Variants in SLC24A3 observed in about 807,000 individuals in gnomAD.
SLC24A3 encodes the protein solute carrier family 24 member 3, also known as sodium/potassium/calcium exchanger 3.
A neutral mutation model predicts 75.8 loss-of-function variants in SLC24A3; 28 were observed. That is an observed-to-expected ratio of 0.37 (90% CI 0.27 to 0.51). The LOEUF is 0.51. Ranked by LOEUF, SLC24A3 falls within the 20% of genes least tolerant of loss-of-function variation. The pLI is 0.94. For missense variants in SLC24A3, 663 were observed against 847.8 expected, an observed-to-expected ratio of 0.78 and a Z score of 2.71; for synonymous variants, 372 against 334.1, an observed-to-expected ratio of 1.11 and a Z score of -1.24.
intron 2 of SLC24A3, among the ~76,000 whole-genome samples, chr20:19,432,416 G>A (rs901923180): frequency 5.3e-5 from 8 of 151,942 alleles, no homozygotes; most frequent in Non-Finnish European, 1.2e-4. Context: ...GTATTAGATT[G>A]CTTTTTCTGT....
At chr20:19,291,745 G>T (rs748680999) in intron 2 of SLC24A3, among the ~76,000 whole-genome samples, 2 of 152,204 alleles carry the variant, frequency 1.3e-5, no homozygotes, top group Non-Finnish European at 2.9e-5. Flanking sequence ...GCTCAGCCTG[G>T]CTCCCCAGCC....
At chr20:19,250,828 A>G (rs900869352) in intron 1 of SLC24A3, among the ~76,000 whole-genome samples, 2 of 152,170 alleles carry the variant, frequency 1.3e-5, no homozygotes, top group African/African-American at 4.8e-5. Flanking sequence ...TTCACATATC[A>G]TCATCCACAA....
intron 9 of SLC24A3, among the ~76,000 whole-genome samples, chr20:19,679,039 G>A (rs866617251): frequency 1.3e-5 from 2 of 151,700 alleles, no homozygotes; most frequent in East Asian, 2.0e-4. Context: ...AGGCAGAGGG[G>A]CTCCTCACAT....
At chr20:19,535,586 G>C (rs1019730548) in intron 3 of SLC24A3, among the ~76,000 whole-genome samples, 2 of 152,188 alleles carry the variant, frequency 1.3e-5, no homozygotes, top group African/African-American at 4.8e-5. Flanking sequence ...CAGCTGCTGT[G>C]ATTTTCAAGC....
intron 9 of SLC24A3, among the ~76,000 whole-genome samples, chr20:19,678,142 A>T (rs1400447346): frequency 6.6e-6 from 1 of 150,386 alleles, no homozygotes; most frequent in African/African-American, 2.5e-5. Context: ...TCGATTTCTC[A>T]ATCTTTTCCC....
At chr20:19,570,688 G>T (rs2031038976) in intron 3 of SLC24A3, among the ~76,000 whole-genome samples, 1 of 152,168 alleles carries the variant, frequency 6.6e-6, no homozygotes, top group African/African-American at 2.4e-5. Flanking sequence ...ACAAATGATA[G>T]TTTGAGGTCT....
chr20:19,353,979 A>G (rs1393847222), intron 2 of SLC24A3, among the ~76,000 whole-genome samples: 2 of 152,216 alleles, frequency 1.3e-5, no homozygotes, highest in Non-Finnish European at 1.5e-5. Flanking sequence ...ATGAAAATAT[A>G]TGGTTACCAA....
chr20:19,269,825 TATA>T (rs1983272159), intron 1 of SLC24A3, among the ~76,000 whole-genome samples: 1 of 152,188 alleles, frequency 6.6e-6, no homozygotes, highest in African/African-American at 2.4e-5. Context: ...CTGAGGCCCG[TATA>T]ATAATAGTTG....
intron 2 of SLC24A3, among the ~76,000 whole-genome samples, chr20:19,429,237 T>C (rs569430633): frequency 2.0e-5 from 3 of 152,362 alleles, no homozygotes; most frequent in Admixed American, 6.5e-5. Context: ...ACCTCTGTTA[T>C]CATTGAGAAA....
chr20:19,248,730 A>G (rs1982565767), intron 1 of SLC24A3, among the ~76,000 whole-genome samples: 1 of 152,112 alleles, frequency 6.6e-6, no homozygotes, highest in Non-Finnish European at 1.5e-5. Context: ...CATGATAGCC[A>G]AGATACGGCA....
At chr20:19,595,836 C>T (rs761740788) in intron 6 of SLC24A3, among the ~76,000 whole-genome samples, 6 of 152,034 alleles carry the variant, frequency 3.9e-5, no homozygotes, top group Non-Finnish European at 5.9e-5. Context: ...ACAGCTTTAG[C>T]GAGGGTGATC....
At chr20:19,369,950 G>C (rs946044053) in intron 2 of SLC24A3, among the ~76,000 whole-genome samples, 4 of 152,142 alleles carry the variant, frequency 2.6e-5, no homozygotes, top group African/African-American at 9.7e-5. Context: ...TTACAAGCGT[G>C]AGCCACTGCA....
chr20:19,370,151 C>T (rs1985967340), intron 2 of SLC24A3, among the ~76,000 whole-genome samples: 1 of 152,100 alleles, frequency 6.6e-6, no homozygotes, highest in African/African-American at 2.4e-5. Flanking sequence ...GGGTGCAAAG[C>T]CATGGAAGTG....
At chr20:19,660,421 G>C (rs1179199302) in intron 7 of SLC24A3, among the ~76,000 whole-genome samples, 2 of 152,008 alleles carry the variant, frequency 1.3e-5, no homozygotes, top group Non-Finnish European at 2.9e-5. Flanking sequence ...ACTTCACTTA[G>C]AATAATGGCC....
chr20:19,460,868 C>G (rs1473273069), intron 2 of SLC24A3, among the ~76,000 whole-genome samples: 1 of 152,166 alleles, frequency 6.6e-6, no homozygotes, highest in Non-Finnish European at 1.5e-5. Context: ...AGCTGTTAGC[C>G]AACAGTTGAC....
rs751667691 is a variant in SLC24A3 at position 19,684,383 on chromosome 20, A to G, written c.1062+47A>G. 15 of 1,567,758 alleles carry G rather than the reference A, an allele frequency of 9.6e-6. No homozygotes were observed. In the South Asian group the frequency reaches 1.7e-4, roughly 18 times the overall value. The stretch of plus-strand genomic sequence containing the variant: ...ACTGCCCACTGGACAGGGGTGGGAA[A>G]CTCTGGGAAGGAGAGAAGGTTTCTT... On this transcript the variant is annotated intron_variant, in intron 11 of 16. Transcript: ENST00000328041.
At position 19,704,934 on chromosome 20, in the gene SLC24A3, C is replaced by T. The variant is rs114512452; in HGVS notation, c.1719+6254C>T. 3.4e-3 allele frequency among the ~76,000 whole-genome samples: 514 copies of T among 152,148 alleles called. 6 individuals carry two copies. Among genetic ancestry groups the T allele is most frequent in the African/African-American group, 0.012 (491 of 41,520 alleles). The stretch of plus-strand genomic sequence containing the variant: ...TGCAGATTAGGAAACCAAGGCACAG[C>T]GGTTAAATCACACAGCCAGAAAGAG... On this transcript the variant is annotated intron_variant, in intron 15 of 16. Coordinates refer to ENST00000328041, the MANE Select transcript of SLC24A3 (RefSeq NM_020689.4).
chr20:19,231,326 GT>G (rs1982016599), intron 1 of SLC24A3, among the ~76,000 whole-genome samples: 1 of 152,202 alleles, frequency 6.6e-6, no homozygotes, highest in Non-Finnish European at 1.5e-5. Flanking sequence ...GGTTTGTTAT[GT>G]TACGTGGCAA....
chr20:19,222,213 T>C (rs1981734053), intron 1 of SLC24A3, among the ~76,000 whole-genome samples: 1 of 152,220 alleles, frequency 6.6e-6, no homozygotes, highest in South Asian at 2.1e-4. Flanking sequence ...CCCATATCCC[T>C]AAGTAGATTC....
Sources: allele counts gnomAD v4.1 joint callset (sites outside exome capture counted in the v4.1 genomes callset), GRCh38; gene constraint gnomAD v4.1.1; transcripts MANE v1.5; gene names NCBI Gene and HGNC (gene_info 2026-07-23, HGNC 2026-07-21).